PRPF40B: variants seen among roughly 807,000 people sequenced by gnomAD.
PRPF40B encodes the protein pre-mRNA-processing factor 40 homolog B.
PRPF40B carries 56 observed loss-of-function variants against 124.5 expected under a neutral mutation model. The observed-to-expected ratio is 0.45, with a 90% CI of 0.36 to 0.56. PRPF40B has a LOEUF of 0.56. Ranked by LOEUF, PRPF40B falls within the 20% of genes least tolerant of loss-of-function variation. PRPF40B has a pLI of 0.00. For missense variants in PRPF40B, 1,053 were observed against 1,169.5 expected, an observed-to-expected ratio of 0.90 and a Z score of 1.45; for synonymous variants, 443 against 426.4, an observed-to-expected ratio of 1.04 and a Z score of -0.48.
chr12:49,632,112 T>C (rs556352726), intron 4 of PRPF40B, 187 bp downstream of exon 4: 9 of 653,498 alleles, frequency 1.4e-5, no homozygotes, highest in South Asian at 1.2e-4. Flanking sequence ...TTCCCACTCA[T>C]CCCCAAAGGC....
intron 12 of PRPF40B, 181 bp downstream of exon 12, chr12:49,634,783 T>C (rs1416579269): frequency 1.5e-6 from 1 of 683,006 alleles, no homozygotes; most frequent in African/African-American, 1.8e-5. Flanking sequence ...AGGAAAGGTA[T>C]CTGACACAAC....
chr12:49,637,522 G>C lies in PRPF40B; in HGVS notation c.1613G>C (p.Trp538Ser). The C allele has an allele frequency of 1.2e-6, 2 of 1,613,880 alleles. No homozygotes were observed. Among genetic ancestry groups the C allele is most frequent in the East Asian group, 2.2e-5 (1 of 44,866 alleles). ...GGGCAGCTGCACTCTATGTCCACCT[G>C]GATGGAGCTATATCCAGCAGTCAGC... Reference protein sequence around the residue: ...ETGQLHSMSTWMELYPAVSTD... With the variant: ...ETGQLHSMSTSMELYPAVSTD... Residue 538 changes from tryptophan to serine, a missense_variant, in exon 17 of 26, where the codon TGG becomes TCG. Trp to Ser is a radical substitution (Grantham distance 177, BLOSUM62 -3). Transcript: ENST00000548825.
chr12:49,643,229 G>A lies in PRPF40B; in HGVS notation c.2212G>A (p.Glu738Lys), dbSNP rs1942906882. The A allele has an allele frequency of 6.2e-7, 1 of 1,613,980 alleles. No homozygotes were observed. Among genetic ancestry groups the A allele is most frequent in the African/African-American group, 1.3e-5 (1 of 74,928 alleles). ...HKRSHSPSGS[E>K]SEEEELPPPS... ...TATCTGCTGATCTGCCCAGGGCTCTGAGTCAGAAGAAGAGGAGCTGCCCCC... is the reference window on the plus strand; with the variant it reads ...TATCTGCTGATCTGCCCAGGGCTCTAAGTCAGAAGAAGAGGAGCTGCCCCC... Residue 738 changes from glutamate (E) to lysine (K), a missense_variant, in exon 23 of 26, where the codon GAG (glutamate) becomes AAG (lysine). By Grantham distance (56) the Glu-to-Lys change is moderately conservative. This residue lies in a region of PRPF40B where 895 missense variants were observed against 1,052.2 expected (regional missense o/e 0.85). Transcript: ENST00000548825.
At position 49,637,270 on chromosome 12, in the gene PRPF40B, CCT is replaced by C. The variant is rs576105767; in HGVS notation, c.1561-195_1561-194del. 6.5e-4 allele frequency: 387 copies of C among 595,116 alleles called. 4 individuals are homozygous for C. In the South Asian group the frequency reaches 7.7e-3, roughly 12 times the overall value. 36.9% of individuals were successfully genotyped at this position (595,116 alleles called of 1,614,324 possible). On this transcript the variant is annotated intron_variant, in intron 16 of 25. Coordinates refer to ENST00000548825, the MANE Select transcript of PRPF40B (RefSeq NM_001031698.3). ...CTTGTTCTCACCTTTTTGTTCTGTC[CCT>C]CTCTGTGTATTTACTTTCTCTCTTT... is the stretch of plus-strand genomic sequence containing the variant.
chr12:49,625,037 C>T (rs1259254237), intron 1 of PRPF40B, among the ~76,000 whole-genome samples: 1 of 152,000 alleles, frequency 6.6e-6, no homozygotes, highest in Non-Finnish European at 1.5e-5. Flanking sequence ...GGTCTCTCAG[C>T]CTTTTTTTTG....
At position 49,643,868 on chromosome 12, in the gene PRPF40B, C is replaced by T. The variant is rs1021760978; in HGVS notation, c.2450C>T (p.Pro817Leu). ...GGCTCTGGACTCTTACAGAATAGTC[C>T]TGAGAGTGAGACAGACCCTGAGGAG... ...TKKRRHKSNS[P>L]ESETDPEEKA... Residue 817 changes from proline (P) to leucine (L), a missense_variant, in exon 25 of 26, where the codon CCT (proline) becomes CTT (leucine). By Grantham distance (98) the Pro-to-Leu change is moderately conservative. Transcript: ENST00000548825. The T allele has an allele frequency of 1.9e-6, 3 of 1,614,040 alleles. No individual in the cohort carries two copies. The African/African-American group carries it at 4.0e-5, about 22-fold the overall frequency.
chr12:49,636,077 C>T (rs139577415), intron 15 of PRPF40B, 84 bp downstream of exon 15: 3 of 1,535,948 alleles, frequency 2.0e-6, no homozygotes, highest in African/African-American at 2.7e-5. Flanking sequence ...ACCCCACTCC[C>T]CTGTACCTCC....
In PRPF40B at chr12:49,630,568, GC is replaced by G. The variant is rs1565826485; in HGVS notation, c.32del (p.Pro11GlnfsTer13). On this transcript the variant is annotated frameshift_variant, in exon 2 of 26. Coordinates refer to ENST00000548825, the MANE Select transcript of PRPF40B (RefSeq NM_001031698.3). LOFTEE classifies it high-confidence loss of function. Reference sequence around the variant, plus strand: ...AGTCGGTTCCCGATTCTGGTCCCCGGCCCCCAGCAGCGCCTGCCCCCTTCCC... The same window carrying G: ...AGTCGGTTCCCGATTCTGGTCCCCGGCCCCAGCAGCGCCTGCCCCCTTCCC... MSVPDSGPR[P>X]PAAPAPFPPG... 25 of 1,401,038 alleles carry G rather than the reference GC, an allele frequency of 1.8e-5. No individual in the cohort carries two copies. The highest frequency in any genetic ancestry group is 2.4e-5 in the Non-Finnish European group (24 of 995,244). The allele number at this position is 1,401,038 out of a possible 1,614,324, so 86.8% of individuals were successfully genotyped here.
At chr12:49,623,456 G>C (rs1592566452), upstream of PRPF40B, 1 of 990,564 alleles carries the variant, frequency 1.0e-6, no homozygotes, top group Non-Finnish European at 1.3e-6. Flanking sequence ...GCTCGCCGGC[G>C]GGAGCCACCG....
At chr12:49,634,490 G>C in intron 11 of PRPF40B, 35 bp downstream of exon 11, 2 of 1,614,178 alleles carry the variant, frequency 1.2e-6, no homozygotes, top group Non-Finnish European at 1.7e-6. Context: ...AGGTTTGGAG[G>C]GGGCTGGAGC....
At chr12:49,643,446 T>G (rs1021814629) in intron 23 of PRPF40B, 49 bp downstream of exon 23, 8 of 1,521,156 alleles carry the variant, frequency 5.3e-6, no homozygotes, top group Middle Eastern at 1.9e-4. Context: ...TGTCCCAGAC[T>G]GAGAGGATGC....
Position 49,637,569 on chromosome 12 carries a change from A to G in PRPF40B, c.1660A>G (p.Met554Val), listed in dbSNP as rs1422979867. 1 of 1,613,562 alleles carries G rather than the reference A, an allele frequency of 6.2e-7. No homozygotes were observed. Among genetic ancestry groups the G allele is most frequent in the African/African-American group, 1.3e-5 (1 of 74,888 alleles). ...AVSTDVRFANMLGQPGSTPLD... is the reference protein window; with the variant it reads ...AVSTDVRFANVLGQPGSTPLD... ...CAGCACTGATGTCCGCTTTGCCAACATGCTGGGCCAGCCGGGTAAGGCAGC... is the reference window on the plus strand; with the variant it reads ...CAGCACTGATGTCCGCTTTGCCAACGTGCTGGGCCAGCCGGGTAAGGCAGC... The change falls in exon 17 of 26, where the codon ATG becomes GTG. Residue 554 changes from methionine (M) to valine (V), a missense_variant. Coordinates refer to ENST00000548825, the MANE Select transcript of PRPF40B (RefSeq NM_001031698.3).
At chr12:49,628,983 C>T (rs986425631) in intron 1 of PRPF40B, among the ~76,000 whole-genome samples, 3 of 152,218 alleles carry the variant, frequency 2.0e-5, no homozygotes, top group African/African-American at 4.8e-5. Flanking sequence ...CACCTTTCCC[C>T]GGGATTCCTC....
In PRPF40B at chr12:49,637,511, T is replaced by C; in HGVS notation, c.1602T>C (p.Ser534=). ...DELHETGQLH[S]MSTWMELYPA... ...TGCATGAGACAGGGCAGCTGCACTCTATGTCCACCTGGATGGAGCTATATC... is the reference window on the plus strand; with the variant it reads ...TGCATGAGACAGGGCAGCTGCACTCCATGTCCACCTGGATGGAGCTATATC... The change falls in exon 17 of 26, where the codon TCT becomes TCC. Residue 534 remains serine, a synonymous_variant. Coordinates refer to ENST00000548825, the MANE Select transcript of PRPF40B (RefSeq NM_001031698.3). 6.2e-7 allele frequency: 1 copy of C among 1,613,866 alleles called. No individual in the cohort carries two copies. The highest frequency in any genetic ancestry group is 1.1e-5 in the South Asian group (1 of 91,090).
chr12:49,634,249 G>A, intron 10 of PRPF40B, 83 bp from the exon 11 acceptor site: 1 of 1,605,754 alleles, frequency 6.2e-7, no homozygotes, highest in Non-Finnish European at 8.5e-7. Context: ...AACAAGGAGG[G>A]GGTGATATGT....
chr12:49,634,892 G>T (rs1405323555), intron 12 of PRPF40B: 1 of 648,792 alleles, frequency 1.5e-6, no homozygotes, highest in East Asian at 2.8e-5. Context: ...AAAGGAAAAG[G>T]GCCCAGTATT....
At chr12:49,634,881 C>A (rs1941604550) in intron 12 of PRPF40B, 1 of 647,140 alleles carries the variant, frequency 1.5e-6, no homozygotes, top group African/African-American at 1.8e-5. Context: ...TTGAGAACCC[C>A]AAAGGAAAAG....
Position 49,631,841 on chromosome 12 carries a change from G to A in PRPF40B, c.229-19G>A. ...GCCCTTACCTTGGTGGTTGGTTTCTGTCTTCTTTGTATCCATAGATACCAG... is the reference window on the plus strand; with the variant it reads ...GCCCTTACCTTGGTGGTTGGTTTCTATCTTCTTTGTATCCATAGATACCAG... On this transcript the variant is annotated intron_variant, in intron 3 of 25. Coordinates refer to ENST00000548825, the MANE Select transcript of PRPF40B (RefSeq NM_001031698.3). This position sits in a 1 kb window ranked among gnomAD's most constrained non-coding sequence, Gnocchi z 4.3. The A allele has an allele frequency of 2.5e-6, 4 of 1,612,464 alleles. No individual in the cohort carries two copies. The highest frequency in any genetic ancestry group is 2.5e-6 in the Non-Finnish European group (3 of 1,178,680).
Position 49,642,747 on chromosome 12 carries a change from G to C in PRPF40B, c.2118+72G>C. The C allele has an allele frequency of 1.3e-6, 2 of 1,524,662 alleles. No homozygotes were observed. Among genetic ancestry groups the C allele is most frequent in the East Asian group, 4.8e-5 (2 of 41,792 alleles). 94.4% of individuals were successfully genotyped at this position (1,524,662 alleles called of 1,614,324 possible). A position where few individuals can be genotyped will look rare whatever the true frequency, so the allele number is the denominator to read the frequency against. On this transcript the variant is annotated intron_variant, in intron 21 of 25. Coordinates refer to ENST00000548825, the MANE Select transcript of PRPF40B (RefSeq NM_001031698.3). This position sits in a 1 kb window ranked among gnomAD's most constrained non-coding sequence, Gnocchi z 5.8. ...TTAGACCAGTTCAACAGAGACCTCAGTGGCCTCCCTCTTACCCTTAGGGCA... is the reference window on the plus strand; with the variant it reads ...TTAGACCAGTTCAACAGAGACCTCACTGGCCTCCCTCTTACCCTTAGGGCA...
Sources: allele counts gnomAD v4.1 joint callset (sites outside exome capture counted in the v4.1 genomes callset), GRCh38; gene constraint gnomAD v4.1.1; regional missense constraint gnomAD v4.1.1; non-coding constraint Gnocchi (gnomAD v3.1); transcripts MANE v1.5; gene names NCBI Gene and HGNC (gene_info 2026-07-23, HGNC 2026-07-21).